KSR2: variants seen among roughly 807,000 people sequenced by gnomAD.
The protein encoded by KSR2 is kinase suppressor of ras 2.
A neutral mutation model predicts 107.8 loss-of-function variants in KSR2; 25 were observed. The observed-to-expected ratio is 0.23, with a 90% CI of 0.17 to 0.32. The LOEUF is 0.32. Ranked by LOEUF, KSR2 falls within the 10% of genes least tolerant of loss-of-function variation. The pLI is 1.00. For missense variants in KSR2, 887 were observed against 1,268.9 expected, an observed-to-expected ratio of 0.70 and a Z score of 4.57; for synonymous variants, 480 against 507.0, an observed-to-expected ratio of 0.95 and a Z score of 0.71.
At chr12:117,870,674 G>A (rs1893621550) in intron 1 of KSR2, among the ~76,000 whole-genome samples, 1 of 152,188 alleles carries the variant, frequency 6.6e-6, no homozygotes, top group South Asian at 2.1e-4. Flanking sequence ...CTTGTTGAAG[G>A]GGGATGTGGA....
chr12:117,630,283 C>G (rs1299498273), intron 5 of KSR2, among the ~76,000 whole-genome samples: 7 of 152,116 alleles, frequency 4.6e-5, no homozygotes, highest in Admixed American at 4.6e-4. Context: ...GCAGAGAGAA[C>G]AGCATGTGCA....
intron 5 of KSR2, among the ~76,000 whole-genome samples, chr12:117,600,947 A>G (rs1262984788): frequency 6.6e-6 from 1 of 152,176 alleles, no homozygotes; most frequent in Non-Finnish European, 1.5e-5. Context: ...CTGAAGTCAC[A>G]TCTCAGCTTT....
intron 4 of KSR2, among the ~76,000 whole-genome samples, chr12:117,725,132 C>A (rs946217649): frequency 7.3e-5 from 11 of 151,240 alleles, no homozygotes; most frequent in African/African-American, 2.7e-4. Context: ...CAAAAGATGG[C>A]AAAGGAGGTA....
intron 1 of KSR2, among the ~76,000 whole-genome samples, chr12:117,889,973 T>C (rs1036746311): frequency 3.3e-5 from 5 of 152,222 alleles, no homozygotes; most frequent in Admixed American, 3.3e-4. Context: ...AACTTGAGCA[T>C]GCATTAGAAA....
chr12:117,793,604 C>T (rs1376451653), intron 3 of KSR2, among the ~76,000 whole-genome samples: 2 of 144,564 alleles, frequency 1.4e-5, no homozygotes, highest in Non-Finnish European at 3.1e-5. Context: ...CATACACCAA[C>T]ATGCACACTC....
At chr12:117,755,151 A>G (rs1182068556) in intron 4 of KSR2, among the ~76,000 whole-genome samples, 1 of 152,082 alleles carries the variant, frequency 6.6e-6, no homozygotes, top group Non-Finnish European at 1.5e-5. Flanking sequence ...CTTCTCACCT[A>G]CTCCCTGATG....
chr12:117,526,995 T>C (rs1875212126), intron 13 of KSR2, 76 bp downstream of exon 13: 6 of 1,267,992 alleles, frequency 4.7e-6, no homozygotes, highest in Admixed American at 3.4e-5. Context: ...CTCTGCGTCA[T>C]CCAAAACGTC....
rs536543769 is a variant in KSR2, at chr12:117,629,601, G to T, written c.1171+37873C>A. ...CAGCAGTTATCTGACTCAGTCACTA[G>T]TTCCATAATCTGCAAAACAAGAGTG... On this transcript the variant is annotated intron_variant, in intron 5 of 19. Transcript: ENST00000339824. 5.3e-5 allele frequency among the ~76,000 whole-genome samples: 8 copies of T among 152,306 alleles called. No homozygotes were observed. The South Asian group carries it at 1.5e-3, about 28-fold the overall frequency.
intron 3 of KSR2, among the ~76,000 whole-genome samples, chr12:117,802,722 C>T (rs1035565075): frequency 1.3e-5 from 2 of 152,208 alleles, no homozygotes; most frequent in East Asian, 3.8e-4. Context: ...CCCCACCCAC[C>T]CCCTTTTCCC....
At chr12:117,848,850 A>ATGGTGG (rs1566048426) in intron 3 of KSR2, among the ~76,000 whole-genome samples, 3 of 87,044 alleles carry the variant, frequency 3.4e-5, no homozygotes, top group Admixed American at 1.2e-4. Context: ...GGTGATGGTG[A>ATGGTGG]TGATGGTGAT....
At chr12:117,760,295 A>G (rs994969151) in intron 4 of KSR2, among the ~76,000 whole-genome samples, 1 of 152,096 alleles carries the variant, frequency 6.6e-6, no homozygotes, top group Non-Finnish European at 1.5e-5. Context: ...CTCTCCCCCA[A>G]AGGGGTCCTC....
chr12:117,633,974 A>G (rs1281881444), intron 5 of KSR2, among the ~76,000 whole-genome samples: 1 of 152,174 alleles, frequency 6.6e-6, no homozygotes, highest in East Asian at 1.9e-4. Flanking sequence ...ACTCTGCTTC[A>G]CATAATTTTG....
chr12:117,848,562 A>G (rs148416657), intron 3 of KSR2, among the ~76,000 whole-genome samples: 2 of 152,240 alleles, frequency 1.3e-5, no homozygotes, highest in Non-Finnish European at 2.9e-5. Flanking sequence ...GAAGGGGAGT[A>G]GTCTCAAAAG....
chr12:117,756,821 G>A (rs1888809127), intron 4 of KSR2, among the ~76,000 whole-genome samples: 1 of 152,210 alleles, frequency 6.6e-6, no homozygotes, highest in Non-Finnish European at 1.5e-5. Context: ...TTGGGAGGCT[G>A]AGGTGGGTGG....
chr12:117,688,652 C>T (rs1283953766), intron 4 of KSR2, among the ~76,000 whole-genome samples: 1 of 152,200 alleles, frequency 6.6e-6, no homozygotes, highest in Non-Finnish European at 1.5e-5. Context: ...AAGAACCAGA[C>T]TCTAAGGCCT....
Position 117,527,058 on chromosome 12 carries a change from C to A in KSR2, c.1851+13G>T. ...CCCTGGAAAATGTCGCTTCACTGCT[C>A]TCTGATTCTCACCTCCGACGTTGGC... On this transcript the variant is annotated intron_variant, in intron 13 of 19. Coordinates refer to ENST00000339824, the MANE Select transcript of KSR2 (RefSeq NM_173598.6). 3.1e-6 allele frequency: 5 copies of A among 1,612,902 alleles called. No homozygotes were observed. Among genetic ancestry groups the A allele is most frequent in the Non-Finnish European group, 4.2e-6 (5 of 1,178,968 alleles).
rs577626491 is a variant in KSR2, at chr12:117,714,385, C to T, written c.986+46626G>A. 4.6e-5 allele frequency among the ~76,000 whole-genome samples: 7 copies of T among 152,148 alleles called. No homozygotes were observed. In the South Asian group the frequency reaches 1.5e-3, roughly 32 times the overall value. ...CCTTGGGGAAGATTGCACCTGTTTG[C>T]CCCCTAGGGAGCAGCAAAGAGGGGA... On this transcript the variant is annotated intron_variant, in intron 4 of 19. Coordinates refer to ENST00000339824, the MANE Select transcript of KSR2 (RefSeq NM_173598.6).
At position 117,794,037 on chromosome 12, in the gene KSR2, CACCAACA is replaced by C. The variant is rs1890451915; in HGVS notation, c.473-32520_473-32514del. Among the ~76,000 whole-genome samples, 21 of 98,544 alleles carry C rather than the reference CACCAACA, an allele frequency of 2.1e-4. 1 individual carries two copies. Among genetic ancestry groups the C allele is most frequent in the African/African-American group, 8.6e-4 (21 of 24,554 alleles). 64.6% of individuals were successfully genotyped at this position (98,544 alleles called of 152,430 possible). ...ATGCACACTCACACCAACATGCACA[CACCAACA>C]TGCACACTCGTACCAACATGCACAC... On this transcript the variant is annotated intron_variant, in intron 3 of 19. Transcript: ENST00000339824.
intron 9 of KSR2, among the ~76,000 whole-genome samples, chr12:117,543,656 A>T (rs544198741): frequency 6.6e-6 from 1 of 152,324 alleles, no homozygotes; most frequent in South Asian, 2.1e-4. Flanking sequence ...AACTATGTTG[A>T]ATCTTCCAAT....
Sources: gnomAD v4.1 joint callset for allele counts (sites outside exome capture counted in the v4.1 genomes callset) on GRCh38, gnomAD v4.1.1 for gene constraint, MANE v1.5 for transcripts, NCBI Gene and HGNC (gene_info 2026-07-23, HGNC 2026-07-21) for gene names.